Variants in PDE7B observed in about 807,000 individuals in gnomAD.
The protein encoded by PDE7B is 3',5'-cyclic-AMP phosphodiesterase 7B.
A neutral mutation model predicts 56.2 loss-of-function variants in PDE7B; 29 were observed. The ratio of observed to expected loss-of-function variants is 0.52; its 90% confidence interval spans 0.38 to 0.70. The LOEUF is 0.70. Among genes scored for constraint, PDE7B ranks in the 30% least tolerant of loss-of-function variants. The pLI is 0.00. For missense variants in PDE7B, 490 were observed against 565.0 expected (o/e 0.87, Z 1.35); for synonymous variants, 197 against 196.9 (o/e 1.00, Z 0.00).
intron 3 of PDE7B, among the ~76,000 whole-genome samples, chr6:136,143,839 C>T (rs1343761066): frequency 6.6e-6 from 1 of 152,026 alleles, no homozygotes; most frequent in Non-Finnish European, 1.5e-5. Context: ...TACTACACTA[C>T]TTGGAAAACT....
At chr6:136,009,169 G>C (rs1000514567) in intron 2 of PDE7B, among the ~76,000 whole-genome samples, 12 of 151,802 alleles carry the variant, frequency 7.9e-5, no homozygotes, top group Admixed American at 7.2e-4. Context: ...ATTTCTGAGG[G>C]CTCTGTTCTG....
chr6:136,058,624 G>A lies in PDE7B; in HGVS notation c.83-50107G>A, dbSNP rs566708694. Among the ~76,000 whole-genome samples, 23 of 152,292 alleles carry A rather than the reference G, an allele frequency of 1.5e-4. 1 individual carries two copies. The South Asian group carries it at 4.6e-3, about 30-fold the overall frequency. On this transcript the variant is annotated intron_variant, in intron 2 of 12. Transcript: ENST00000308191. The stretch of plus-strand genomic sequence containing the variant: ...TGATATTCCAATGTTTTAAGCAATG[G>A]TAGATTCAGGAGGCTTATAAACCTC...
rs75610264 is a variant in PDE7B at position 136,071,021 on chromosome 6, C to T, written c.83-37710C>T. 2.8e-4 allele frequency among the ~76,000 whole-genome samples: 42 copies of T among 152,192 alleles called. No homozygotes were observed. The East Asian group carries it at 8.1e-3, about 29-fold the overall frequency. ...CTGAGATCCCTGTGGTCGGCCCTTT[C>T]CCAAGTATTCCAAACCCACGCCTGG... On this transcript the variant is annotated intron_variant, in intron 2 of 12. Transcript: ENST00000308191.
At chr6:136,067,757 T>TC (rs1045708585) in intron 2 of PDE7B, among the ~76,000 whole-genome samples, 1 of 152,200 alleles carries the variant, frequency 6.6e-6, no homozygotes, top group Non-Finnish European at 1.5e-5. Context: ...TGCCAGTATT[T>TC]CCCACACATC....
At chr6:136,152,939 A>G (rs1562507399) in intron 6 of PDE7B, among the ~76,000 whole-genome samples, 1 of 152,228 alleles carries the variant, frequency 6.6e-6, no homozygotes, top group South Asian at 2.1e-4. Flanking sequence ...TTTACAGAGG[A>G]GGAAACTGAG....
intron 9 of PDE7B, among the ~76,000 whole-genome samples, chr6:136,178,518 T>A (rs1333628959): frequency 6.6e-6 from 1 of 152,224 alleles, no homozygotes; most frequent in East Asian, 1.9e-4. Flanking sequence ...AATCTCTTCC[T>A]GGCCTATGTA....
At chr6:135,894,746 G>A (rs1305436040) in intron 1 of PDE7B, among the ~76,000 whole-genome samples, 1 of 152,060 alleles carries the variant, frequency 6.6e-6, no homozygotes, top group Non-Finnish European at 1.5e-5. Flanking sequence ...TCTTGAACAT[G>A]TTATTTAAAT....
At chr6:136,092,505 A>G (rs984977371) in intron 2 of PDE7B, among the ~76,000 whole-genome samples, 3 of 152,208 alleles carry the variant, frequency 2.0e-5, no homozygotes, top group African/African-American at 7.2e-5. Context: ...TCATGCCTGT[A>G]ATCCCAGCAC....
chr6:135,979,777 G>A (rs1254351536), intron 2 of PDE7B, among the ~76,000 whole-genome samples: 2 of 152,132 alleles, frequency 1.3e-5, no homozygotes, highest in African/African-American at 4.8e-5. Context: ...ACAAACCAGT[G>A]CTCAAGGAAA....
intron 2 of PDE7B, among the ~76,000 whole-genome samples, chr6:136,018,298 G>C (rs1583831101): frequency 6.6e-6 from 1 of 152,290 alleles, no homozygotes; most frequent in East Asian, 1.9e-4. Context: ...TCATCTTTGG[G>C]CAGCCCATAA....
chr6:135,893,614 A>G (rs1360766445), intron 1 of PDE7B, among the ~76,000 whole-genome samples: 1 of 152,094 alleles, frequency 6.6e-6, no homozygotes, highest in Non-Finnish European at 1.5e-5. Flanking sequence ...GTGATTCCTC[A>G]GGGATCTAGA....
intron 2 of PDE7B, among the ~76,000 whole-genome samples, chr6:136,081,787 A>C (rs192699092): frequency 9.9e-4 from 151 of 152,366 alleles, no homozygotes; most frequent in Admixed American, 4.2e-3. Flanking sequence ...AAATACAAGA[A>C]GAGATAGAAC....
chr6:136,020,020 G>C (rs891871558), intron 2 of PDE7B, among the ~76,000 whole-genome samples: 11 of 152,180 alleles, frequency 7.2e-5, no homozygotes, highest in Admixed American at 7.2e-4. Context: ...AGGGTCAACT[G>C]TAATTATTTT....
chr6:135,858,831 C>A (rs758874766), intron 1 of PDE7B, among the ~76,000 whole-genome samples: 25 of 152,220 alleles, frequency 1.6e-4, no homozygotes, highest in Non-Finnish European at 3.2e-4. Context: ...TTGATCAGTT[C>A]AGTTTAATTT....
chr6:136,107,743 A>C (rs547866799), intron 2 of PDE7B, among the ~76,000 whole-genome samples: 25 of 152,180 alleles, frequency 1.6e-4, no homozygotes, highest in Non-Finnish European at 2.5e-4. Flanking sequence ...CGTGTTCTAA[A>C]GTCCATGCTC....
At chr6:135,872,768 C>A (rs1158920343) in intron 1 of PDE7B, among the ~76,000 whole-genome samples, 1 of 152,058 alleles carries the variant, frequency 6.6e-6, no homozygotes, top group Non-Finnish European at 1.5e-5. Flanking sequence ...ACTTTTCTGC[C>A]CACTTAATCA....
intron 2 of PDE7B, among the ~76,000 whole-genome samples, chr6:135,954,310 A>G (rs1389439352): frequency 1.3e-5 from 2 of 152,108 alleles, no homozygotes; most frequent in Non-Finnish European, 2.9e-5. Context: ...TGCTGAATGG[A>G]TACGTGCTGA....
rs145565707 is a variant in PDE7B, at chr6:135,881,538, A to T, written c.21+29519A>T. 2.6e-4 allele frequency among the ~76,000 whole-genome samples: 40 copies of T among 152,204 alleles called. 1 individual carries two copies. In the South Asian group the frequency reaches 7.9e-3, roughly 30 times the overall value. On this transcript the variant is annotated intron_variant, in intron 1 of 12. Coordinates refer to ENST00000308191, the MANE Select transcript of PDE7B (RefSeq NM_018945.4). ...AAAGAAATAGTAAGGTCAGTGTTGG[A>T]GTCTGCATGCTAATAGGCAGGTCCC...
At chr6:136,007,907 T>C (rs1562467656) in intron 2 of PDE7B, among the ~76,000 whole-genome samples, 1 of 152,070 alleles carries the variant, frequency 6.6e-6, no homozygotes, top group African/African-American at 2.4e-5. Flanking sequence ...TATGTATACA[T>C]GTGCCATGTT....
Sources: gnomAD v4.1 joint callset for allele counts (sites outside exome capture counted in the v4.1 genomes callset) on GRCh38, gnomAD v4.1.1 for gene constraint, MANE v1.5 for transcripts, NCBI Gene and HGNC (gene_info 2026-07-23, HGNC 2026-07-21) for gene names.